Variants in PROS1 observed in about 807,000 individuals in gnomAD.
PROS1 encodes vitamin K-dependent protein S.
Under a neutral mutation model 75.9 loss-of-function variants are expected in PROS1, and 29 were observed. That is an observed-to-expected ratio of 0.38 (90% CI 0.28 to 0.52). The LOEUF (loss-of-function observed/expected upper bound fraction) is 0.52, where lower values mean the gene tolerates loss of function less well. Among genes scored for constraint, PROS1 ranks in the 20% least tolerant of loss-of-function variants. The pLI is 0.83. For missense variants in PROS1, 680 were observed against 810.3 expected, an observed-to-expected ratio of 0.84 and a Z score of 1.95; for synonymous variants, 245 against 280.6, an observed-to-expected ratio of 0.87 and a Z score of 1.27.
At chr3:93,878,776 C>T (rs1466676715) in intron 13 of PROS1, among the ~76,000 whole-genome samples, 1 of 152,140 alleles carries the variant, frequency 6.6e-6, no homozygotes, top group Non-Finnish European at 1.5e-5. Flanking sequence ...TGACAGTGCA[C>T]TGTAATTAGA....
chr3:93,943,533 T>G (rs1288721488), intron 1 of PROS1, among the ~76,000 whole-genome samples: 10 of 152,138 alleles, frequency 6.6e-5, no homozygotes, highest in Admixed American at 6.6e-4. Context: ...TCTCCCACTC[T>G]AGGCTCCCAC....
intron 1 of PROS1, among the ~76,000 whole-genome samples, chr3:93,951,463 T>A (rs1709493987): frequency 6.6e-6 from 1 of 152,134 alleles, no homozygotes; most frequent in African/African-American, 2.4e-5. Flanking sequence ...AGAAAAGAAT[T>A]TTCAACCCAA....
At chr3:93,925,115 A>G (rs1341205746) in intron 2 of PROS1, among the ~76,000 whole-genome samples, 1 of 152,222 alleles carries the variant, frequency 6.6e-6, no homozygotes, top group African/African-American at 2.4e-5. Flanking sequence ...CTTTCTTAAA[A>G]AGAGAAAAAT....
chr3:93,901,097 A>T (rs1296410020), intron 6 of PROS1, among the ~76,000 whole-genome samples, 168 bp from the exon 7 acceptor site: 1 of 152,220 alleles, frequency 6.6e-6, no homozygotes, highest in Non-Finnish European at 1.5e-5. Context: ...TAGCTCACTA[A>T]ATATGATTTC....
At chr3:93,963,505 T>C (rs1709740048) in intron 1 of PROS1, among the ~76,000 whole-genome samples, 1 of 152,178 alleles carries the variant, frequency 6.6e-6, no homozygotes, top group Non-Finnish European at 1.5e-5. Flanking sequence ...TTAATCTGTC[T>C]GCATCACTAC....
intron 3 of PROS1, among the ~76,000 whole-genome samples, chr3:93,918,202 A>G (rs553801877): frequency 5.2e-4 from 79 of 152,258 alleles, no homozygotes; most frequent in Non-Finnish European, 9.1e-4. Context: ...GACACTCTGT[A>G]TCTAGCTAAT....
chr3:93,951,552 T>C (rs1462120785), intron 1 of PROS1, among the ~76,000 whole-genome samples: 1 of 152,166 alleles, frequency 6.6e-6, no homozygotes, highest in Non-Finnish European at 1.5e-5. Context: ...TGCTGAGAGA[T>C]TTTGTCACCA....
chr3:93,902,928 G>A (rs191918155), intron 6 of PROS1, among the ~76,000 whole-genome samples: 1 of 152,088 alleles, frequency 6.6e-6, no homozygotes, highest in African/African-American at 2.4e-5. Flanking sequence ...CAGATCTGTT[G>A]TGATCTCAGC....
At chr3:93,899,592 A>G (rs867648083) in intron 7 of PROS1, among the ~76,000 whole-genome samples, 1 of 152,296 alleles carries the variant, frequency 6.6e-6, no homozygotes, top group South Asian at 2.1e-4. Context: ...TGCAATGGTG[A>G]GAAAGGAGAA....
At chr3:93,919,151 T>A (rs560863307) in intron 3 of PROS1, among the ~76,000 whole-genome samples, 1 of 152,260 alleles carries the variant, frequency 6.6e-6, no homozygotes, top group Admixed American at 6.5e-5. Context: ...CTCATGCATG[T>A]CTCCTTAGTA....
At chr3:93,942,708 A>C (rs933531957) in intron 1 of PROS1, among the ~76,000 whole-genome samples, 1 of 151,626 alleles carries the variant, frequency 6.6e-6, no homozygotes, top group Non-Finnish European at 1.5e-5. Context: ...TCATTTCAAA[A>C]CCTCTTCCAT....
At position 93,906,104 on chromosome 3, in the gene PROS1, T is replaced by C. The variant is rs749024073; in HGVS notation, c.386A>G (p.Asp129Gly). Residue 129 changes from aspartate (D) to glycine (G), a missense_variant, in exon 5 of 15, where the codon GAT (aspartate) becomes GGT (glycine). Asp to Gly is a moderately conservative substitution (Grantham distance 94). Transcript: ENST00000394236. ...TCCATCTTTGCAGCTCATATATCCA[T>C]CTTCATTGCATGGCAGAGGACTACA... ...DQCSPLPCNE[D>G]GYMSCKDGKA... is the part of the protein sequence containing the mutation. 10 of 1,613,968 alleles carry C rather than the reference T, an allele frequency of 6.2e-6. No homozygotes were observed. The highest frequency in any genetic ancestry group is 8.5e-6 in the Non-Finnish European group (10 of 1,179,986).
At chr3:93,943,955 T>G (rs991242637) in intron 1 of PROS1, among the ~76,000 whole-genome samples, 4 of 152,186 alleles carry the variant, frequency 2.6e-5, no homozygotes, top group African/African-American at 9.6e-5. Context: ...GCCCCACACC[T>G]ATCTTCCTTC....
intron 9 of PROS1, 51 bp from the exon 10 acceptor site, chr3:93,893,173 C>T (rs1217432271): frequency 1.4e-6 from 2 of 1,476,166 alleles, no homozygotes; most frequent in African/African-American, 2.8e-5. Flanking sequence ...ACAGAAAGCT[C>T]AATGCATTAT....
At chr3:93,887,213 C>G (rs1374666502) in intron 10 of PROS1, among the ~76,000 whole-genome samples, 1 of 152,116 alleles carries the variant, frequency 6.6e-6, no homozygotes, top group Non-Finnish European at 1.5e-5. Context: ...CCACCGCGCC[C>G]GGCCCATAAG....
intron 10 of PROS1, among the ~76,000 whole-genome samples, chr3:93,892,673 T>C (rs1274846379): frequency 6.6e-6 from 1 of 151,946 alleles, no homozygotes; most frequent in Non-Finnish European, 1.5e-5. Flanking sequence ...AACACCACTG[T>C]TCACCAAACA....
intron 1 of PROS1, among the ~76,000 whole-genome samples, chr3:93,953,603 A>G (rs188974709): frequency 0.016 from 2,474 of 152,298 alleles, 78 homozygotes; most frequent in African/African-American, 0.056. Flanking sequence ...TATTTATGAC[A>G]AACCCACAGC....
intron 1 of PROS1, among the ~76,000 whole-genome samples, chr3:93,971,627 CCACACACACACACACA>C (rs748664337): frequency 1.1e-4 from 14 of 124,456 alleles, no homozygotes; most frequent in Middle Eastern, 4.1e-3. Flanking sequence ...AAAATAAAAA[CCACACACACACACACA>C]CACACACACA....
chr3:93,933,925 C>T (rs1007950099), intron 1 of PROS1, among the ~76,000 whole-genome samples: 2 of 151,184 alleles, frequency 1.3e-5, no homozygotes, highest in African/African-American at 4.9e-5. Context: ...AGAAGAATCA[C>T]TTGAACCCAG....
Sources: gnomAD v4.1 joint callset for allele counts (sites outside exome capture counted in the v4.1 genomes callset) on GRCh38, gnomAD v4.1.1 for gene constraint, MANE v1.5 for transcripts, NCBI Gene and HGNC (gene_info 2026-07-23, HGNC 2026-07-21) for gene names.